The following NRG3 variants were observed in gnomAD, a reference collection of about 807,000 sequenced individuals.
NRG3 encodes the protein pro-neuregulin-3, membrane-bound isoform.
NRG3 carries 31 observed loss-of-function variants against 66.9 expected under a neutral mutation model. The observed-to-expected ratio is 0.46, with a 90% CI of 0.35 to 0.63. The LOEUF is 0.63. NRG3 is among the 20% of genes least tolerant of loss of function. The pLI, the probability that NRG3 is intolerant of heterozygous loss-of-function variation, is 0.00. For missense variants in NRG3, 910 were observed against 878.9 expected, an observed-to-expected ratio of 1.04 and a Z score of -0.45; for synonymous variants, 393 against 359.4, an observed-to-expected ratio of 1.09 and a Z score of -1.06.
chr10:82,450,041 C>A (rs2090944001), intron 2 of NRG3, among the ~76,000 whole-genome samples: 1 of 152,186 alleles, frequency 6.6e-6, no homozygotes. Context: ...GGATGCATGA[C>A]AGAGTGGAGT....
chr10:82,349,198 A>T (rs1210449687), intron 1 of NRG3, among the ~76,000 whole-genome samples: 1 of 149,686 alleles, frequency 6.7e-6, no homozygotes, highest in African/African-American at 2.4e-5. Flanking sequence ...TTGTGGTTTT[A>T]TCTACTTTTG....
At chr10:82,622,126 G>A (rs761405992) in intron 2 of NRG3, among the ~76,000 whole-genome samples, 8 of 152,070 alleles carry the variant, frequency 5.3e-5, no homozygotes, top group Non-Finnish European at 1.0e-4. Flanking sequence ...GTTGTCACTG[G>A]TATTTTCTTT....
rs543123555 is a variant in NRG3 at position 81,976,845 on chromosome 10, TA to T, written c.823+100684del. 2.1e-3 allele frequency among the ~76,000 whole-genome samples: 327 copies of T among 152,326 alleles called. 1 individual carries two copies. Among genetic ancestry groups the T allele is most frequent in the Middle Eastern group, 0.01 (3 of 294 alleles). On this transcript the variant is annotated intron_variant, in intron 1 of 8. Transcript: ENST00000372141. ...GTCTATCTGGATGCCTGTTTGTTTT[TA>T]ATGAAGATGTTACACAAAATAAAAA...
chr10:82,087,316 A>G (rs916212584), intron 1 of NRG3, among the ~76,000 whole-genome samples: 1 of 152,068 alleles, frequency 6.6e-6, no homozygotes, highest in African/African-American at 2.4e-5. Context: ...CAGGTTAGCT[A>G]TCTGCCTGCC....
chr10:82,596,919 G>T (rs902130036), intron 2 of NRG3, among the ~76,000 whole-genome samples: 2 of 152,022 alleles, frequency 1.3e-5, no homozygotes, highest in African/African-American at 4.8e-5. Flanking sequence ...TCTCATTTTT[G>T]AGGAAACTTT....
intron 7 of NRG3, 99 bp downstream of exon 7, chr10:82,974,014 C>T: frequency 7.4e-7 from 1 of 1,346,644 alleles, no homozygotes; most frequent in Admixed American, 1.9e-5. Flanking sequence ...GGAGAGACAA[C>T]TGTTCTTGCT....
intron 1 of NRG3, among the ~76,000 whole-genome samples, chr10:82,137,578 G>A (rs1007891231): frequency 1.3e-5 from 2 of 152,098 alleles, no homozygotes; most frequent in South Asian, 2.1e-4. Flanking sequence ...AGACACATTC[G>A]TAAACAGATC....
chr10:82,986,452 GTA>G lies in NRG3; in HGVS notation c.*849_*850del, dbSNP rs1383928613. The G allele has an allele frequency of 6.6e-6, 1 of 152,186 alleles. No homozygotes were observed. The highest frequency in any genetic ancestry group is 1.5e-5 in the Non-Finnish European group (1 of 68,044). 9.4% of individuals were successfully genotyped at this position (152,186 alleles called of 1,614,324 possible). A position where few individuals can be genotyped will look rare whatever the true frequency, so the allele number is the denominator to read the frequency against. On this transcript the variant is annotated 3_prime_UTR_variant, in exon 9 of 9. Transcript: ENST00000372141. ...CTGTAAGCACATGTGTTCATTGTGC[GTA>G]TGTGTGTGCATGTGTGCGCGTATTA...
chr10:82,443,713 C>A (rs2090562308), intron 2 of NRG3, among the ~76,000 whole-genome samples: 1 of 152,132 alleles, frequency 6.6e-6, no homozygotes, highest in African/African-American at 2.4e-5. Flanking sequence ...GCCAAGGGAG[C>A]ATCTAGGAGG....
At chr10:82,783,824 C>T (rs2060224560) in intron 3 of NRG3, among the ~76,000 whole-genome samples, 1 of 152,140 alleles carries the variant, frequency 6.6e-6, no homozygotes, top group Admixed American at 6.5e-5. Context: ...ATCAAGCTAC[C>T]AATGACTTTC....
At chr10:81,989,014 G>A (rs1184020335) in intron 1 of NRG3, among the ~76,000 whole-genome samples, 12 of 152,126 alleles carry the variant, frequency 7.9e-5, no homozygotes, top group Non-Finnish European at 1.6e-4. Context: ...GAATGGACTA[G>A]GGTGGTTAGA....
At chr10:81,881,816 A>G (rs1215464782) in intron 1 of NRG3, among the ~76,000 whole-genome samples, 5 of 151,618 alleles carry the variant, frequency 3.3e-5, no homozygotes, top group Non-Finnish European at 5.9e-5. Context: ...TTTTTTTTTT[A>G]ATTAGCCACA....
intron 1 of NRG3, chr10:81,878,149 G>A: frequency 7.1e-7 from 1 of 1,403,040 alleles, no homozygotes; most frequent in Non-Finnish European, 9.4e-7. Flanking sequence ...GACGGGAATG[G>A]CAGCCTGTTT....
chr10:82,745,902 G>C (rs953725458), intron 3 of NRG3, among the ~76,000 whole-genome samples: 3 of 151,914 alleles, frequency 2.0e-5, no homozygotes, highest in Non-Finnish European at 1.5e-5. Context: ...TTGTTTGTTT[G>C]GTTTTTAGAG....
chr10:82,254,168 A>G (rs937363861), intron 1 of NRG3, among the ~76,000 whole-genome samples: 2 of 152,234 alleles, frequency 1.3e-5, no homozygotes, highest in African/African-American at 2.4e-5. Flanking sequence ...TTTAAATTCT[A>G]TCTTGGAAAT....
intron 2 of NRG3, among the ~76,000 whole-genome samples, chr10:82,594,743 T>C (rs1267855092): frequency 6.6e-6 from 1 of 152,134 alleles, no homozygotes. Flanking sequence ...GGGTCTTACT[T>C]ATATACAATT....
chr10:82,675,325 T>C (rs537979846), intron 2 of NRG3, among the ~76,000 whole-genome samples: 1 of 151,970 alleles, frequency 6.6e-6, no homozygotes, highest in Admixed American at 6.6e-5. Flanking sequence ...TTGTTGCTGA[T>C]TGGTTGGGGG....
intron 1 of NRG3, among the ~76,000 whole-genome samples, chr10:82,069,931 T>C (rs748984864): frequency 3.3e-5 from 5 of 152,208 alleles, no homozygotes; most frequent in Non-Finnish European, 7.3e-5. Flanking sequence ...ATTAATAGTC[T>C]GTCAAAATCC....
chr10:82,278,106 G>T (rs975858320), intron 1 of NRG3, among the ~76,000 whole-genome samples: 8 of 152,022 alleles, frequency 5.3e-5, no homozygotes, highest in Non-Finnish European at 1.0e-4. Context: ...ATTGATGAAC[G>T]TTTTGGGGAT....
Sources: gnomAD v4.1 joint callset for allele counts (sites outside exome capture counted in the v4.1 genomes callset) on GRCh38, gnomAD v4.1.1 for gene constraint, MANE v1.5 for transcripts, NCBI Gene and HGNC (gene_info 2026-07-23, HGNC 2026-07-21) for gene names.